STX8: variants seen among roughly 807,000 people sequenced by gnomAD.
The protein encoded by STX8 is syntaxin 8, also known as syntaxin-8.
Under a neutral mutation model 37.5 loss-of-function variants are expected in STX8, and 23 were observed. That is an observed-to-expected ratio of 0.61 (90% CI 0.44 to 0.87). The LOEUF (loss-of-function observed/expected upper bound fraction) is 0.87. Among genes scored for constraint, STX8 ranks in the 40% least tolerant of loss-of-function variants. The probability of loss-of-function intolerance (pLI) is 0.00; values close to 1 mark genes in which losing one functional copy is unlikely to be tolerated. For missense variants in STX8, 313 were observed against 284.7 expected (o/e 1.10, Z -0.71); for synonymous variants, 115 against 99.1 (o/e 1.16, Z -0.95).
chr17:9,518,469 C>T (rs1905220247), intron 4 of STX8, among the ~76,000 whole-genome samples: 1 of 152,154 alleles, frequency 6.6e-6, no homozygotes, highest in Non-Finnish European at 1.5e-5. Flanking sequence ...CCCCCATCTG[C>T]CTCTGAAATG....
At chr17:9,393,281 T>A (rs186337009) in intron 6 of STX8, among the ~76,000 whole-genome samples, 1 of 152,224 alleles carries the variant, frequency 6.6e-6, no homozygotes, top group Non-Finnish European at 1.5e-5. Flanking sequence ...CGAGGTGAAA[T>A]AAAGATACTC....
At chr17:9,542,985 C>T (rs1906344490) in intron 4 of STX8, among the ~76,000 whole-genome samples, 1 of 152,146 alleles carries the variant, frequency 6.6e-6, no homozygotes, top group African/African-American at 2.4e-5. Context: ...GGGAAGACTT[C>T]AGAGGTCCTC....
intron 5 of STX8, among the ~76,000 whole-genome samples, chr17:9,504,044 G>A (rs956349124): frequency 2.0e-5 from 3 of 152,128 alleles, no homozygotes; most frequent in South Asian, 4.1e-4. Flanking sequence ...GATTACAGGC[G>A]TGAGCCACCA....
intron 7 of STX8, among the ~76,000 whole-genome samples, chr17:9,301,119 A>C (rs1340638398): frequency 6.6e-6 from 1 of 152,086 alleles, no homozygotes; most frequent in South Asian, 2.1e-4. Flanking sequence ...GACGTGAGCC[A>C]CCACTCCTGG....
chr17:9,280,699 T>C (rs1484547894), intron 7 of STX8, among the ~76,000 whole-genome samples: 2 of 152,202 alleles, frequency 1.3e-5, no homozygotes, highest in East Asian at 3.8e-4. Flanking sequence ...ACCATATTTC[T>C]GGATGGGAAG....
intron 6 of STX8, among the ~76,000 whole-genome samples, chr17:9,464,300 T>C (rs1905518635): frequency 6.6e-6 from 1 of 152,212 alleles, no homozygotes; most frequent in Admixed American, 6.5e-5. Flanking sequence ...GATCTGCAAT[T>C]GTGATCTTTC....
chr17:9,457,432 C>G (rs1905214712), intron 6 of STX8, among the ~76,000 whole-genome samples: 1 of 152,236 alleles, frequency 6.6e-6, no homozygotes, highest in African/African-American at 2.4e-5. Context: ...CTAACACTGA[C>G]TCTCTTGCTC....
At chr17:9,262,881 C>A (rs1417897364) in intron 7 of STX8, among the ~76,000 whole-genome samples, 1 of 152,196 alleles carries the variant, frequency 6.6e-6, no homozygotes, top group Non-Finnish European at 1.5e-5. Context: ...CCACAAATTA[C>A]ATGTTTTTTA....
chr17:9,573,130 G>A (rs1377991366), intron 1 of STX8, among the ~76,000 whole-genome samples: 6 of 130,654 alleles, frequency 4.6e-5, no homozygotes, highest in Non-Finnish European at 9.2e-5. Context: ...TCTAAGGCAA[G>A]GGCATTCCAA....
intron 3 of STX8, among the ~76,000 whole-genome samples, chr17:9,549,281 C>T (rs1391234362): frequency 3.3e-5 from 5 of 152,130 alleles, no homozygotes; most frequent in African/African-American, 4.8e-5. Context: ...TTTAAACTTA[C>T]GTCAAGAAGG....
intron 7 of STX8, among the ~76,000 whole-genome samples, chr17:9,367,816 C>T (rs1911274527): frequency 6.6e-6 from 1 of 152,112 alleles, no homozygotes; most frequent in Non-Finnish European, 1.5e-5. Flanking sequence ...CTGCAACCTC[C>T]ACCTTCTGGG....
intron 7 of STX8, among the ~76,000 whole-genome samples, chr17:9,348,121 G>A (rs1344422474): frequency 6.6e-6 from 1 of 152,046 alleles, no homozygotes; most frequent in African/African-American, 2.4e-5. Context: ...TTTTACATAT[G>A]AACATTGTAG....
rs537300108 is a variant in STX8 at position 9,351,647 on chromosome 17, G to A, written c.643+26905C>T. ...GGTATGTTTTTAAAATCTGGAATCC[G>A]ATCAAAATCAGAAACTGTATTTAGT... On this transcript the variant is annotated intron_variant, in intron 7 of 7. Coordinates refer to ENST00000306357, the MANE Select transcript of STX8 (RefSeq NM_004853.3). Among the ~76,000 whole-genome samples the A allele has an allele frequency of 7.2e-5, 11 of 152,108 alleles. No homozygotes were observed. The East Asian group carries it at 1.4e-3, about 19-fold the overall frequency.
intron 4 of STX8, among the ~76,000 whole-genome samples, chr17:9,544,514 A>C (rs539765479): frequency 2.0e-5 from 3 of 151,844 alleles, no homozygotes; most frequent in Non-Finnish European, 2.9e-5. Flanking sequence ...AAAAAAAAAA[A>C]CAAAAAACTG....
chr17:9,415,543 G>A (rs1913158128), intron 6 of STX8, among the ~76,000 whole-genome samples: 2 of 152,038 alleles, frequency 1.3e-5, no homozygotes, highest in South Asian at 4.2e-4. Context: ...AGGCCGAGGC[G>A]GGAGGATCAC....
Position 9,538,993 on chromosome 17 carries a change from T to C in STX8, c.323+6179A>G, listed in dbSNP as rs1366677785. Among the ~76,000 whole-genome samples, 7 of 152,314 alleles carry C rather than the reference T, an allele frequency of 4.6e-5. No homozygotes were observed. The East Asian group carries it at 1.2e-3, about 25-fold the overall frequency. ...GCTTTATGAGACAGGGCTTATCTTC[T>C]TCTAAGAGACACTGTTGCACAGAGA... On this transcript the variant is annotated intron_variant, in intron 4 of 7. Coordinates refer to ENST00000306357, the MANE Select transcript of STX8 (RefSeq NM_004853.3).
intron 7 of STX8, among the ~76,000 whole-genome samples, chr17:9,270,283 C>T (rs1361292986): frequency 1.3e-5 from 2 of 152,308 alleles, no homozygotes; most frequent in African/African-American, 2.4e-5. Flanking sequence ...CTCGCTCTGT[C>T]GCCAAGGCTG....
intron 6 of STX8, among the ~76,000 whole-genome samples, chr17:9,391,610 G>A (rs527782029): frequency 6.8e-6 from 1 of 147,794 alleles, no homozygotes; most frequent in African/African-American, 2.5e-5. Context: ...AGATATGCCT[G>A]AAGAATATAC....
At chr17:9,511,086 C>T (rs1412936011) in intron 4 of STX8, among the ~76,000 whole-genome samples, 4 of 151,968 alleles carry the variant, frequency 2.6e-5, no homozygotes, top group Non-Finnish European at 5.9e-5. Context: ...CCTGAACAGA[C>T]CAATAACAAG....
Sources: allele counts gnomAD v4.1 joint callset (sites outside exome capture counted in the v4.1 genomes callset), GRCh38; gene constraint gnomAD v4.1.1; transcripts MANE v1.5; gene names NCBI Gene and HGNC (gene_info 2026-07-23, HGNC 2026-07-21).